The following SCD5 variants were observed in gnomAD, a reference collection of about 807,000 sequenced individuals.
SCD5 encodes the protein acyl-CoA-desaturase 4.
Under a neutral mutation model 30.4 loss-of-function variants are expected in SCD5, and 20 were observed. That is an observed-to-expected ratio of 0.66 (90% CI 0.46 to 0.96). The LOEUF is 0.96. Among genes scored for constraint, SCD5 ranks in the 40% least tolerant of loss-of-function variants. The probability of loss-of-function intolerance (pLI) is 0.00; values close to 1 mark genes in which losing one functional copy is unlikely to be tolerated. For synonymous variants in SCD5, 173 were observed against 176.4 expected (o/e 0.98, Z 0.16); for missense variants, 381 against 443.3 (o/e 0.86, Z 1.26).
chr4:82,656,085 C>T (rs868614362), intron 3 of SCD5, among the ~76,000 whole-genome samples: 1 of 152,016 alleles, frequency 6.6e-6, no homozygotes, highest in Non-Finnish European at 1.5e-5. Flanking sequence ...TTTGATAAGA[C>T]TACTTATATA....
chr4:82,664,999 C>CTCTCTCTCTCTATATATATA (rs1219554314), intron 3 of SCD5, among the ~76,000 whole-genome samples: 2 of 70,484 alleles, frequency 2.8e-5, no homozygotes, highest in African/African-American at 1.5e-4. Context: ...CTCTCTCTCT[C>CTCTCTCTCTCTATATATATA]TATATATATA....
chr4:82,711,049 T>A (rs1720073774), intron 1 of SCD5, among the ~76,000 whole-genome samples: 1 of 152,178 alleles, frequency 6.6e-6, no homozygotes, highest in African/African-American at 2.4e-5. Flanking sequence ...GGGAAAATAG[T>A]ACCTGCCTCC....
At chr4:82,743,872 C>A (rs902523958) in intron 1 of SCD5, among the ~76,000 whole-genome samples, 1 of 151,770 alleles carries the variant, frequency 6.6e-6, no homozygotes, top group East Asian at 1.9e-4. Flanking sequence ...GCTCTATGAC[C>A]CACGCTGGGT....
chr4:82,756,360 TTGGTTACTTGCTAGCCATGTGCCATTC>T (rs1447452913), intron 1 of SCD5, among the ~76,000 whole-genome samples: 8 of 152,194 alleles, frequency 5.3e-5, no homozygotes, highest in Non-Finnish European at 1.0e-4. Flanking sequence ...TGAGTCCCAG[TTGGTTACTTGCTAGCCATGTGCCATTC>T]AGCCAAGTCA....
At chr4:82,769,812 G>A (rs1721578688) in intron 1 of SCD5, among the ~76,000 whole-genome samples, 1 of 151,966 alleles carries the variant, frequency 6.6e-6, no homozygotes, top group Non-Finnish European at 1.5e-5. Flanking sequence ...GGAGGAAGGG[G>A]GTCAACTGTA....
rs1391492765 is a variant in SCD5, at chr4:82,706,858, TC to T, written c.233-1446del. On this transcript the variant is annotated intron_variant, in intron 1 of 4. Transcript: ENST00000319540. ...TCCTAGTTACCAGAGCCAACAGACT[TC>T]ATTTTCTTGCTTAATCTAGCTTGCA... Among the ~76,000 whole-genome samples, 3 of 152,208 alleles carry T rather than the reference TC, an allele frequency of 2.0e-5. No individual in the cohort carries two copies. The East Asian group carries it at 5.8e-4, about 29-fold the overall frequency.
intron 1 of SCD5, among the ~76,000 whole-genome samples, chr4:82,720,435 C>CAAAAAAACA (rs1720343333): frequency 6.9e-5 from 1 of 14,394 alleles, no homozygotes; most frequent in South Asian, 1.3e-3. Flanking sequence ...TCAAAAAAGG[C>CAAAAAAACA]AAAAATAAAA....
At chr4:82,657,118 A>G (rs12642790) in intron 3 of SCD5, among the ~76,000 whole-genome samples, 93,430 of 151,908 alleles carry the variant, frequency 0.62, 29,183 homozygotes, top group Middle Eastern at 0.72. Flanking sequence ...CCCATTTGTC[A>G]ATTTTGGCTT....
chr4:82,712,400 C>T, intron 1 of SCD5, among the ~76,000 whole-genome samples: 1 of 146,952 alleles, frequency 6.8e-6, no homozygotes. Context: ...TTATTGCAAC[C>T]TCTGCCTCCC....
At chr4:82,689,130 A>G (rs1728775246) in intron 2 of SCD5, among the ~76,000 whole-genome samples, 1 of 152,214 alleles carries the variant, frequency 6.6e-6, no homozygotes, top group Non-Finnish European at 1.5e-5. Flanking sequence ...TTTTTAAAAT[A>G]CCATTCTCCA....
At chr4:82,664,954 AG>A (rs1336166639) in intron 3 of SCD5, among the ~76,000 whole-genome samples, 7 of 136,370 alleles carry the variant, frequency 5.1e-5, no homozygotes, top group African/African-American at 1.9e-4. Flanking sequence ...CAGCATAGCA[AG>A]ACCCCATCTC....
intron 1 of SCD5, among the ~76,000 whole-genome samples, chr4:82,736,469 G>A (rs1365825877): frequency 2.6e-5 from 4 of 151,786 alleles, no homozygotes; most frequent in Non-Finnish European, 4.4e-5. Flanking sequence ...TTAGCCAGGC[G>A]TGGTGGCAGC....
chr4:82,759,648 T>TTAA (rs746052274), intron 1 of SCD5, among the ~76,000 whole-genome samples: 1 of 125,580 alleles, frequency 8.0e-6, no homozygotes, highest in Non-Finnish European at 1.7e-5. Flanking sequence ...AACCCCGTCT[T>TTAA]AAAAAAAAAA....
rs1263194207 is a variant in SCD5, at chr4:82,664,997, CTCTATA to C, written c.569+15704_569+15709del. ...TCTCTCTCTCTCTCTCTCTCTCTCTCTCTATATATATATATATATATATGTATAATA... is the reference window on the plus strand; with the variant it reads ...TCTCTCTCTCTCTCTCTCTCTCTCTCTATATATATATATATATGTATAATA... On this transcript the variant is annotated intron_variant, in intron 3 of 4. Transcript: ENST00000319540. Among the ~76,000 whole-genome samples the C allele has an allele frequency of 6.6e-4, 52 of 79,388 alleles. 1 individual carries two copies. The highest frequency in any genetic ancestry group is 2.3e-3 in the African/African-American group (37 of 15,774). The allele number at this position is 79,388 out of a possible 152,430, so 52.1% of individuals were successfully genotyped here.
intron 1 of SCD5, chr4:82,775,671 G>C (rs1021797927): frequency 6.6e-6 from 1 of 152,148 alleles, no homozygotes; most frequent in Admixed American, 6.6e-5. Context: ...GACCAGCCTG[G>C]GCAACACAGT....
chr4:82,741,603 G>A (rs1185538013), intron 1 of SCD5, among the ~76,000 whole-genome samples: 1 of 152,114 alleles, frequency 6.6e-6, no homozygotes, highest in Non-Finnish European at 1.5e-5. Context: ...TTTCTGGCTG[G>A]TAGGCAGCAA....
intron 2 of SCD5, among the ~76,000 whole-genome samples, chr4:82,693,306 G>A (rs1412087264): frequency 6.6e-6 from 1 of 152,092 alleles, no homozygotes; most frequent in Non-Finnish European, 1.5e-5. Flanking sequence ...AGATGCTGGT[G>A]TGACATCTCT....
chr4:82,693,848 A>G (rs1321847832), intron 2 of SCD5, among the ~76,000 whole-genome samples: 2 of 152,194 alleles, frequency 1.3e-5, no homozygotes, highest in Non-Finnish European at 2.9e-5. Context: ...ACCTCCCTGA[A>G]GAGGACTCCA....
intron 1 of SCD5, among the ~76,000 whole-genome samples, chr4:82,751,773 C>A (rs537219963): frequency 6.6e-6 from 1 of 152,074 alleles, no homozygotes; most frequent in Non-Finnish European, 1.5e-5. Context: ...ATTACAGGCA[C>A]GCGCCACTAC....
Sources: gnomAD v4.1 joint callset for allele counts (sites outside exome capture counted in the v4.1 genomes callset) on GRCh38, gnomAD v4.1.1 for gene constraint, MANE v1.5 for transcripts, NCBI Gene and HGNC (gene_info 2026-07-23, HGNC 2026-07-21) for gene names.